DAP: variants seen among roughly 807,000 people sequenced by gnomAD.
DAP encodes the protein death associated protein.
A neutral mutation model predicts 13.8 loss-of-function variants in DAP; 8 were observed. That is an observed-to-expected ratio of 0.58 (90% CI 0.34 to 1.05). The LOEUF (loss-of-function observed/expected upper bound fraction) is 1.05, where lower values mean the gene tolerates loss of function less well. DAP is among the 50% of genes least tolerant of loss of function. The pLI, the probability that DAP is intolerant of heterozygous loss-of-function variation, is 0.03. For synonymous variants in DAP, 47 were observed against 47.5 expected (o/e 0.99, Z 0.04); for missense variants, 106 against 133.2 (o/e 0.80, Z 1.01).
intron 2 of DAP, among the ~76,000 whole-genome samples, chr5:10,704,276 A>C (rs1176259073): frequency 6.6e-6 from 1 of 152,234 alleles, no homozygotes; most frequent in Non-Finnish European, 1.5e-5. Flanking sequence ...AGCAAAATGT[A>C]TGGATATTAC....
At chr5:10,712,967 A>G (rs1738889474) in intron 2 of DAP, among the ~76,000 whole-genome samples, 2 of 152,076 alleles carry the variant, frequency 1.3e-5, no homozygotes, top group African/African-American at 2.4e-5. Flanking sequence ...CAAGGCATCT[A>G]CTCATTAGTG....
chr5:10,729,073 A>G, intron 2 of DAP, among the ~76,000 whole-genome samples: 1 of 152,266 alleles, frequency 6.6e-6, no homozygotes, highest in African/African-American at 2.4e-5. Context: ...TTTTTTTCTC[A>G]ACCCACGGAA....
chr5:10,745,071 G>A (rs551714883), intron 2 of DAP, among the ~76,000 whole-genome samples: 36 of 152,296 alleles, frequency 2.4e-4, no homozygotes, highest in Non-Finnish European at 4.7e-4. Flanking sequence ...GAACAGAGCC[G>A]AGCTCATTGC....
At chr5:10,744,640 C>G (rs1739856274) in intron 2 of DAP, among the ~76,000 whole-genome samples, 1 of 152,186 alleles carries the variant, frequency 6.6e-6, no homozygotes, top group East Asian at 1.9e-4. Flanking sequence ...AAGACAGACT[C>G]AAGGCTGAAT....
chr5:10,710,148 C>T (rs1301892508), intron 2 of DAP, among the ~76,000 whole-genome samples: 1 of 152,228 alleles, frequency 6.6e-6, no homozygotes, highest in African/African-American at 2.4e-5. Context: ...CCCTCCCCTT[C>T]CCTCGGCTAC....
intron 1 of DAP, among the ~76,000 whole-genome samples, chr5:10,753,004 G>A (rs1302917928): frequency 2.0e-5 from 3 of 152,164 alleles, no homozygotes; most frequent in Admixed American, 1.3e-4. Flanking sequence ...CTTAAAGAGC[G>A]CTGCCCTACG....
intron 2 of DAP, among the ~76,000 whole-genome samples, chr5:10,715,744 T>C (rs1273802308): frequency 6.6e-6 from 1 of 152,230 alleles, no homozygotes; most frequent in South Asian, 2.1e-4. Flanking sequence ...GGCAGGCTGC[T>C]GTAGGCAGGG....
chr5:10,687,884 T>C (rs999249170), intron 2 of DAP, among the ~76,000 whole-genome samples: 1 of 151,210 alleles, frequency 6.6e-6, no homozygotes, highest in Non-Finnish European at 1.5e-5. Flanking sequence ...CTATGTTCTA[T>C]GTCACAAACT....
At chr5:10,696,875 G>C (rs1738450620) in intron 2 of DAP, among the ~76,000 whole-genome samples, 1 of 152,126 alleles carries the variant, frequency 6.6e-6, no homozygotes, top group Non-Finnish European at 1.5e-5. Context: ...ATGAGAAAAG[G>C]TTCCCCCAGC....
At chr5:10,695,768 G>A (rs979881363) in intron 2 of DAP, among the ~76,000 whole-genome samples, 1 of 152,130 alleles carries the variant, frequency 6.6e-6, no homozygotes, top group Non-Finnish European at 1.5e-5. Context: ...TGGGAAGGAT[G>A]CTCTCATTTG....
chr5:10,680,560 C>T lies in DAP; in HGVS notation c.*496G>A, dbSNP rs1737957743. On this transcript the variant is annotated 3_prime_UTR_variant, in exon 4 of 4. Coordinates refer to ENST00000230895, the MANE Select transcript of DAP (RefSeq NM_004394.3). ...CACGAGAGAGGGAAATTTGGCATTGCTGTTCCCTGCCTCTAAGGTCCTTTA... is the reference window on the plus strand; with the variant it reads ...CACGAGAGAGGGAAATTTGGCATTGTTGTTCCCTGCCTCTAAGGTCCTTTA... 2 of 650,858 alleles carry T rather than the reference C, an allele frequency of 3.1e-6. No homozygotes were observed. Among genetic ancestry groups the T allele is most frequent in the Non-Finnish European group, 5.2e-6 (2 of 383,240 alleles). 40.3% of individuals were successfully genotyped at this position (650,858 alleles called of 1,614,324 possible). A position where few individuals can be genotyped will look rare whatever the true frequency, so the allele number is the denominator to read the frequency against.
chr5:10,684,116 G>A, intron 2 of DAP, among the ~76,000 whole-genome samples: 1 of 152,206 alleles, frequency 6.6e-6, no homozygotes. Flanking sequence ...GAGCCACTGT[G>A]CCCAGCCTAT....
chr5:10,748,613 C>T (rs546659675), intron 1 of DAP, among the ~76,000 whole-genome samples: 1 of 152,196 alleles, frequency 6.6e-6, no homozygotes, highest in Non-Finnish European at 1.5e-5. Context: ...AGTCTCAACA[C>T]AAGAGCTCAC....
intron 1 of DAP, among the ~76,000 whole-genome samples, chr5:10,758,049 G>T (rs1240272557): frequency 6.6e-6 from 1 of 152,146 alleles, no homozygotes; most frequent in African/African-American, 2.4e-5. Flanking sequence ...CACTGTAAGA[G>T]AATTTTATTA....
At chr5:10,736,899 C>T (rs1308890463) in intron 2 of DAP, among the ~76,000 whole-genome samples, 1 of 152,244 alleles carries the variant, frequency 6.6e-6, no homozygotes, top group African/African-American at 2.4e-5. Flanking sequence ...CAGTTACCCC[C>T]TCAAACAGAC....
chr5:10,717,321 C>T (rs1579802229), intron 2 of DAP, among the ~76,000 whole-genome samples: 1 of 152,174 alleles, frequency 6.6e-6, no homozygotes, highest in East Asian at 1.9e-4. Flanking sequence ...ATGTGAGTGG[C>T]TGACCTGAAA....
intron 2 of DAP, among the ~76,000 whole-genome samples, chr5:10,741,703 C>T (rs921554783): frequency 5.9e-5 from 9 of 152,178 alleles, no homozygotes; most frequent in African/African-American, 9.7e-5. Flanking sequence ...TTTTTGTAAA[C>T]GTGCCTACTT....
At position 10,720,447 on chromosome 5, in the gene DAP, G is replaced by T. The variant is rs185080885; in HGVS notation, c.152+27728C>A. On this transcript the variant is annotated intron_variant, in intron 2 of 3. Coordinates refer to ENST00000230895, the MANE Select transcript of DAP (RefSeq NM_004394.3). ...GTGGTCAAAAACTGTGAAGATATTT[G>T]TATCCCCTGTGAGTGCTCACCAATG... 4.7e-4 allele frequency among the ~76,000 whole-genome samples: 71 copies of T among 152,332 alleles called. No homozygotes were observed. In the East Asian group the frequency reaches 0.013, roughly 28 times the overall value.
chr5:10,689,080 CACG>C (rs1014066278), intron 2 of DAP, among the ~76,000 whole-genome samples: 5 of 152,144 alleles, frequency 3.3e-5, no homozygotes, highest in African/African-American at 1.2e-4. Flanking sequence ...CTGCATTGAT[CACG>C]ACAAGGGTGG....
Sources: gnomAD v4.1 joint callset for allele counts (sites outside exome capture counted in the v4.1 genomes callset) on GRCh38, gnomAD v4.1.1 for gene constraint, MANE v1.5 for transcripts, NCBI Gene and HGNC (gene_info 2026-07-23, HGNC 2026-07-21) for gene names.